TP53I13: variants seen among roughly 807,000 people sequenced by gnomAD.
TP53I13 encodes tumor protein p53 inducible protein 13, also known as tumor protein p53-inducible protein 13.
Under a neutral mutation model 39.1 loss-of-function variants are expected in TP53I13, and 27 were observed. The ratio of observed to expected loss-of-function variants is 0.69; its 90% CI spans 0.51 to 0.95. The LOEUF (loss-of-function observed/expected upper bound fraction) is 0.95. Ranked by LOEUF, TP53I13 falls within the 40% of genes least tolerant of loss-of-function variation. The pLI, the probability that TP53I13 is intolerant of heterozygous loss-of-function variation, is 0.00. For missense variants in TP53I13, 544 were observed against 520.4 expected (o/e 1.05, Z -0.44); for synonymous variants, 230 against 224.6 (o/e 1.02, Z -0.22).
At chr17:29,574,506 G>A (rs745922170), downstream of TP53I13, 2 of 639,788 alleles carry the variant, frequency 3.1e-6, no homozygotes, top group Admixed American at 5.0e-5. Flanking sequence ...GGGGACAGAA[G>A]CTCCTGCCCC....
the TP53I13 span, among the ~76,000 whole-genome samples, chr17:29,580,259 G>T: frequency 2.0e-5 from 3 of 152,214 alleles, no homozygotes; most frequent in Non-Finnish European, 4.4e-5. Context: ...CCATATTTGG[G>T]TGTATTTACC....
chr17:29,568,159 T>G (rs753739566), upstream of TP53I13: 6 of 152,202 alleles, frequency 3.9e-5, no homozygotes, highest in Non-Finnish European at 7.3e-5. This position sits in a 1 kb window ranked among gnomAD's most constrained non-coding sequence, Gnocchi z 4.5. Context: ...CTCCTCCGCG[T>G]TGGACCCTAT....
chr17:29,575,778 G>C, downstream of TP53I13: 1 of 1,610,316 alleles, frequency 6.2e-7, no homozygotes, highest in Non-Finnish European at 8.5e-7. This position sits in a 1 kb window ranked among gnomAD's most constrained non-coding sequence, Gnocchi z 5.5. Context: ...ACGGCCCCCA[G>C]CCACCCTGTG....
At chr17:29,571,820 C>T in intron 4 of TP53I13, 37 bp from the exon 5 acceptor site, 1 of 1,612,776 alleles carries the variant, frequency 6.2e-7, no homozygotes, top group Non-Finnish European at 8.5e-7. Flanking sequence ...TTTGTCCCCA[C>T]CTTCCTCGTA....
chr17:29,572,875 T>C lies in TP53I13; in HGVS notation c.1133T>C (p.Leu378Pro). The C allele has an allele frequency of 6.6e-7, 1 of 1,517,848 alleles. No homozygotes were observed. Among genetic ancestry groups the C allele is most frequent in the Non-Finnish European group, 8.8e-7 (1 of 1,140,196 alleles). The allele number at this position is 1,517,848 out of a possible 1,614,324, so 94.0% of individuals were successfully genotyped here. Residue 378 changes from leucine (L) to proline (P), a missense_variant, in exon 7 of 7, where the codon CTC becomes CCC. Transcript: ENST00000301057. ...GTCAAGCGCTCGCGCCGGAGACCCC[T>C]CCTCCCGCCCACGCCGGACAGCGGC... ...RRVKRSRRRP[L>P]LPPTPDSGPE...
downstream of TP53I13, chr17:29,576,896 G>A (rs1598566697): frequency 6.3e-7 from 1 of 1,576,756 alleles, no homozygotes. Context: ...CGCCGGTGCT[G>A]CGCAGGGGCT....
chr17:29,568,957 GGAGA>G lies in TP53I13; in HGVS notation c.73-55_73-52del. 6.3e-7 allele frequency: 1 copy of G among 1,591,812 alleles called. No individual in the cohort carries two copies. The highest frequency in any genetic ancestry group is 1.1e-5 in the South Asian group (1 of 89,058). ...TCTTCCGCTGGCGGGCTGGGCCTGG[GGAGA>G]GAGAGGGCAGGGCCTCGCCGCGTCC... On this transcript the variant is annotated intron_variant, in intron 1 of 6. Coordinates refer to ENST00000301057, the MANE Select transcript of TP53I13 (RefSeq NM_138349.4). The surrounding 1 kb of genome is among the most constrained non-coding windows in gnomAD (Gnocchi z 4.5).
chr17:29,578,172 G>T, the TP53I13 span: 1 of 778,252 alleles, frequency 1.3e-6, no homozygotes, highest in East Asian at 2.5e-5. Context: ...CAGCCAGCAG[G>T]GGCTCATCTG....
upstream of TP53I13, chr17:29,567,278 G>A (rs1415805141): frequency 3.8e-5 from 6 of 157,888 alleles, no homozygotes; most frequent in Non-Finnish European, 5.5e-5. The surrounding 1 kb of genome is among the most constrained non-coding windows in gnomAD (Gnocchi z 6.6). Context: ...CACGAGCCGG[G>A]GAGAGCGGTG....
downstream of TP53I13, chr17:29,576,120 G>C: frequency 1.9e-6 from 3 of 1,613,742 alleles, no homozygotes; most frequent in Non-Finnish European, 2.5e-6. Flanking sequence ...AGATGGCGTC[G>C]TCCTCTAGCT....
chr17:29,580,367 G>A, the TP53I13 span, among the ~76,000 whole-genome samples: 1 of 152,222 alleles, frequency 6.6e-6, no homozygotes, highest in African/African-American at 2.4e-5. Flanking sequence ...GATCTGAGTC[G>A]CCCAGGCCTG....
downstream of TP53I13, among the ~76,000 whole-genome samples, chr17:29,578,073 G>A (rs972159439): frequency 6.6e-6 from 1 of 152,204 alleles, no homozygotes; most frequent in Non-Finnish European, 1.5e-5. Context: ...AGAGCAAGAG[G>A]AGCCCCAGTC....
chr17:29,568,773 G>A lies in TP53I13; in HGVS notation c.15G>A (p.Pro5=). 3.8e-6 allele frequency: 6 copies of A among 1,592,266 alleles called. No individual in the cohort carries two copies. The highest frequency in any genetic ancestry group is 2.5e-6 in the Non-Finnish European group (3 of 1,176,746). The change falls in exon 1 of 7, where the codon CCG becomes CCA. Residue 5 remains proline (P), a synonymous_variant. Coordinates refer to ENST00000301057, the MANE Select transcript of TP53I13 (RefSeq NM_138349.4). The surrounding 1 kb of genome is among the most constrained non-coding windows in gnomAD (Gnocchi z 4.5). Reference sequence around the variant, plus strand: ...GGCCGCTTGGAATGGCGCCTCCTCCGCCTTCGCCCCAACTGCTTCTCCTGG... The same window carrying A: ...GGCCGCTTGGAATGGCGCCTCCTCCACCTTCGCCCCAACTGCTTCTCCTGG... MAPP[P]PSPQLLLLAA...
chr17:29,571,890 G>C lies in TP53I13; in HGVS notation c.346G>C (p.Glu116Gln). 6.2e-7 allele frequency: 1 copy of C among 1,613,198 alleles called. No homozygotes were observed. Among genetic ancestry groups the C allele is most frequent in the Non-Finnish European group, 8.5e-7 (1 of 1,179,924 alleles). The stretch of plus-strand genomic sequence containing the variant: ...GCTGACTGCATGGGGGCTGGCGCTG[G>C]AGATGGCCTGGGTAGAGCCAGCCTG... ...LVLTAWGLAL[E>Q]MAWVEPAWAA... is the part of the protein sequence containing the mutation. Residue 116 changes from glutamate (E) to glutamine (Q), a missense_variant, in exon 5 of 7, where the codon GAG (glutamate) becomes CAG (glutamine). Glu to Gln is a conservative substitution (Grantham distance 29, BLOSUM62 2). Coordinates refer to ENST00000301057, the MANE Select transcript of TP53I13 (RefSeq NM_138349.4).
downstream of TP53I13, chr17:29,576,606 G>A (rs1365433407): frequency 6.2e-7 from 1 of 1,613,912 alleles, no homozygotes; most frequent in Non-Finnish European, 8.5e-7. Context: ...ATGTAGCCAG[G>A]GCCTTCTTCA....
downstream of TP53I13, chr17:29,576,449 A>G: frequency 6.2e-7 from 1 of 1,612,492 alleles, no homozygotes; most frequent in Non-Finnish European, 8.5e-7. Context: ...CAGCTTGTGG[A>G]TCTATGGGTG....
chr17:29,572,506 C>G lies in TP53I13; in HGVS notation c.878C>G (p.Ala293Gly), dbSNP rs780618690. ...AGTCAGGCTTCCCCGGCCCCTCGCG[C>G]AGCAGCGCCTCCACGGGCAGCCCGG... ...CSSQASPAPR[A>G]AAPPRAARGP... The change falls in exon 6 of 7, where the codon GCA (alanine) becomes GGA (glycine). Residue 293 changes from alanine to glycine, a missense_variant. Coordinates refer to ENST00000301057, the MANE Select transcript of TP53I13 (RefSeq NM_138349.4). 2 of 1,606,260 alleles carry G rather than the reference C, an allele frequency of 1.2e-6. No individual in the cohort carries two copies. The highest frequency in any genetic ancestry group is 4.5e-5 in the East Asian group (2 of 44,764).
At chr17:29,566,543 C>T, upstream of TP53I13, 1 of 1,610,312 alleles carries the variant, frequency 6.2e-7, no homozygotes, top group Non-Finnish European at 8.5e-7. Flanking sequence ...ACACAAGGTC[C>T]TACCACCCAG....
the TP53I13 span, chr17:29,579,164 T>A: frequency 1.6e-6 from 1 of 624,042 alleles, no homozygotes; most frequent in South Asian, 1.9e-5. Flanking sequence ...TCCTCTGGCT[T>A]GCTCTTCCTC....
Sources: allele counts gnomAD v4.1 joint callset (sites outside exome capture counted in the v4.1 genomes callset), GRCh38; gene constraint gnomAD v4.1.1; non-coding constraint Gnocchi (gnomAD v3.1); transcripts MANE v1.5; gene names NCBI Gene and HGNC (gene_info 2026-07-23, HGNC 2026-07-21).